The following THSD7B variants were observed in gnomAD, a reference collection of about 807,000 sequenced individuals.
THSD7B encodes thrombospondin type 1 domain containing 7B.
In THSD7B, 138 loss-of-function variants were observed where a neutral mutation model predicts 213.6. That is an observed-to-expected ratio of 0.65 (90% confidence interval 0.56 to 0.74). The LOEUF (loss-of-function observed/expected upper bound fraction) is 0.74, where lower values mean the gene tolerates loss of function less well. Among genes scored for constraint, THSD7B ranks in the 30% least tolerant of loss-of-function variants. The pLI is 0.00. For synonymous variants in THSD7B, 742 were observed against 687.0 expected (o/e 1.08, Z -1.25); for missense variants, 1,931 against 1,991.5 (o/e 0.97, Z 0.58).
intron 2 of THSD7B, among the ~76,000 whole-genome samples, chr2:136,977,235 G>A (rs1186029841): frequency 6.6e-6 from 1 of 152,166 alleles, no homozygotes; most frequent in African/African-American, 2.4e-5. Flanking sequence ...GCATAGAGAT[G>A]TTTATAGTAT....
chr2:137,454,948 T>G (rs1488448531), intron 15 of THSD7B, among the ~76,000 whole-genome samples: 1 of 152,170 alleles, frequency 6.6e-6, no homozygotes, highest in Non-Finnish European at 1.5e-5. Context: ...GGAACACATC[T>G]TTACTATTTG....
intron 12 of THSD7B, among the ~76,000 whole-genome samples, chr2:137,332,956 G>T (rs1344817754): frequency 6.6e-6 from 1 of 152,164 alleles, no homozygotes; most frequent in African/African-American, 2.4e-5. Flanking sequence ...CATGAGAATA[G>T]ACTAATATAT....
chr2:137,503,722 T>C (rs182688515), intron 15 of THSD7B, among the ~76,000 whole-genome samples: 235 of 152,154 alleles, frequency 1.5e-3, no homozygotes, highest in African/African-American at 4.6e-3. Context: ...CACCCACTTA[T>C]AGAGTATAGA....
At chr2:136,976,755 A>G (rs1034424076) in intron 2 of THSD7B, among the ~76,000 whole-genome samples, 4 of 151,684 alleles carry the variant, frequency 2.6e-5, no homozygotes, top group East Asian at 1.9e-4. Flanking sequence ...CAGAGTAGCT[A>G]GGACTACAGG....
At chr2:137,437,328 G>A (rs1687316010) in intron 14 of THSD7B, among the ~76,000 whole-genome samples, 1 of 152,072 alleles carries the variant, frequency 6.6e-6, no homozygotes, top group Non-Finnish European at 1.5e-5. Flanking sequence ...TACCATTATT[G>A]TCTAAACAGT....
chr2:137,516,567 C>T (rs753868856), intron 15 of THSD7B, among the ~76,000 whole-genome samples: 2 of 152,270 alleles, frequency 1.3e-5, no homozygotes, highest in Non-Finnish European at 1.5e-5. Context: ...CCCAAAACGT[C>T]GTTGTGGTTC....
chr2:137,539,280 A>T (rs1327366749), intron 15 of THSD7B, among the ~76,000 whole-genome samples: 3 of 151,086 alleles, frequency 2.0e-5, no homozygotes, highest in South Asian at 2.1e-4. Flanking sequence ...GATAATTCAA[A>T]TTTTTTTTTC....
intron 5 of THSD7B, among the ~76,000 whole-genome samples, chr2:137,116,880 C>A (rs1688455212): frequency 6.6e-6 from 1 of 152,096 alleles, no homozygotes; most frequent in Non-Finnish European, 1.5e-5. Flanking sequence ...CTCCAAGCAT[C>A]TAAAGAGGAG....
chr2:137,083,108 T>A (rs1687777547), intron 3 of THSD7B, among the ~76,000 whole-genome samples: 1 of 152,120 alleles, frequency 6.6e-6, no homozygotes, highest in African/African-American at 2.4e-5. Flanking sequence ...TAAATCAAGA[T>A]AAGAAATTAA....
At chr2:137,295,720 T>C (rs72975649) in intron 12 of THSD7B, among the ~76,000 whole-genome samples, 7,700 of 152,186 alleles carry the variant, frequency 0.051, 466 homozygotes, top group African/African-American at 0.14. Context: ...ATGATCCTCC[T>C]GCCTCATCCT....
chr2:137,027,917 T>C (rs1466796088), intron 2 of THSD7B, among the ~76,000 whole-genome samples: 1 of 152,196 alleles, frequency 6.6e-6, no homozygotes, highest in African/African-American at 2.4e-5. Flanking sequence ...AGTCATATTA[T>C]CCACCTCATG....
At chr2:137,037,154 A>G (rs1438150541) in intron 2 of THSD7B, among the ~76,000 whole-genome samples, 1 of 152,148 alleles carries the variant, frequency 6.6e-6, no homozygotes, top group African/African-American at 2.4e-5. Context: ...GAGGGCAGAG[A>G]TGATATCTTA....
At chr2:137,572,604 C>A (rs754578378) in intron 17 of THSD7B, 48 bp downstream of exon 17, 1 of 1,601,348 alleles carries the variant, frequency 6.2e-7, no homozygotes, top group Admixed American at 1.7e-5. Flanking sequence ...TTGTTGCCTT[C>A]ACTGTTGTTC....
intron 17 of THSD7B, among the ~76,000 whole-genome samples, chr2:137,614,424 T>A (rs16839159): frequency 4.6e-5 from 7 of 152,146 alleles, no homozygotes; most frequent in Non-Finnish European, 1.0e-4. Flanking sequence ...ACTAAGCAGG[T>A]ACCTAAGCCT....
intron 15 of THSD7B, among the ~76,000 whole-genome samples, chr2:137,520,265 A>G (rs1415903864): frequency 1.3e-5 from 2 of 152,170 alleles, no homozygotes; most frequent in African/African-American, 4.8e-5. Flanking sequence ...GGTTTTGTCC[A>G]GCTTTATTGT....
chr2:136,958,302 T>C (rs1685158651), intron 2 of THSD7B, among the ~76,000 whole-genome samples: 1 of 152,232 alleles, frequency 6.6e-6, no homozygotes, highest in Non-Finnish European at 1.5e-5. Context: ...AGGATGACTG[T>C]CCTGTGTTGT....
At chr2:137,226,862 A>T (rs1681518079) in intron 7 of THSD7B, among the ~76,000 whole-genome samples, 1 of 146,804 alleles carries the variant, frequency 6.8e-6, no homozygotes, top group South Asian at 2.1e-4. Flanking sequence ...AGATGAATAA[A>T]CACATTTCAG....
At chr2:137,603,506 T>C (rs1473390064) in intron 17 of THSD7B, among the ~76,000 whole-genome samples, 1 of 152,176 alleles carries the variant, frequency 6.6e-6, no homozygotes, top group Non-Finnish European at 1.5e-5. Flanking sequence ...CCATATAATT[T>C]AGAATGAAGG....
intron 16 of THSD7B, among the ~76,000 whole-genome samples, chr2:137,563,886 G>A (rs1242628234): frequency 6.6e-6 from 1 of 152,104 alleles, no homozygotes; most frequent in African/African-American, 2.4e-5. Context: ...TATTTACTGA[G>A]GAAACTGGTT....
Sources: allele counts gnomAD v4.1 joint callset (sites outside exome capture counted in the v4.1 genomes callset), GRCh38; gene constraint gnomAD v4.1.1; transcripts MANE v1.5; gene names NCBI Gene and HGNC (gene_info 2026-07-23, HGNC 2026-07-21).